Variants in RSRC1 observed in about 807,000 individuals in gnomAD.
RSRC1 encodes arginine and serine rich coiled-coil 1, also known as serine/Arginine-related protein 53.
In RSRC1, 39 loss-of-function variants were observed where a neutral mutation model predicts 49.1. The observed-to-expected ratio is 0.79, with a 90% CI of 0.61 to 1.04. RSRC1 has a LOEUF of 1.04. RSRC1 is among the 50% of genes least tolerant of loss of function. The pLI is 0.00. For synonymous variants in RSRC1, 143 were observed against 130.8 expected, an observed-to-expected ratio of 1.09 and a Z score of -0.63; for missense variants, 388 against 402.4, an observed-to-expected ratio of 0.96 and a Z score of 0.31.
chr3:158,286,889 C>T (rs1330282737), intron 4 of RSRC1, among the ~76,000 whole-genome samples: 4 of 152,192 alleles, frequency 2.6e-5, no homozygotes, highest in Non-Finnish European at 4.4e-5. Flanking sequence ...TGCAGTGGCA[C>T]GATCTCAGCT....
At chr3:158,529,204 A>G (rs1012043261) in intron 7 of RSRC1, among the ~76,000 whole-genome samples, 3 of 133,768 alleles carry the variant, frequency 2.2e-5, no homozygotes, top group African/African-American at 8.3e-5. Flanking sequence ...GTATATATGT[A>G]TGTGTGTGTG....
chr3:158,401,634 T>A (rs1398147691), intron 6 of RSRC1, among the ~76,000 whole-genome samples: 1 of 152,148 alleles, frequency 6.6e-6, no homozygotes, highest in East Asian at 1.9e-4. Context: ...GTAATTCAAC[T>A]AAGTGTATAG....
intron 3 of RSRC1, among the ~76,000 whole-genome samples, chr3:158,194,360 GAAGA>G (rs1720420668): frequency 6.8e-6 from 1 of 147,466 alleles, no homozygotes; most frequent in African/African-American, 2.5e-5. Flanking sequence ...AGGAAGGAAG[GAAGA>G]AATTTCTTTT....
intron 5 of RSRC1, among the ~76,000 whole-genome samples, chr3:158,306,157 A>C (rs529039146): frequency 5.3e-5 from 8 of 152,058 alleles, no homozygotes; most frequent in African/African-American, 1.9e-4. Flanking sequence ...TATGTCAAAA[A>C]ACTGATGTGT....
chr3:158,420,706 TA>T (rs1229026365), intron 6 of RSRC1, among the ~76,000 whole-genome samples: 13 of 151,952 alleles, frequency 8.6e-5, no homozygotes, highest in African/African-American at 3.1e-4. Context: ...AATAGGTTTT[TA>T]TATCTCTAAA....
intron 7 of RSRC1, among the ~76,000 whole-genome samples, chr3:158,471,959 C>T (rs1455485516): frequency 3.9e-5 from 6 of 151,962 alleles, no homozygotes; most frequent in South Asian, 2.1e-4. Context: ...TTTTGTGAAA[C>T]GACAAAAAAT....
chr3:158,475,655 A>G (rs1409322203), intron 7 of RSRC1, among the ~76,000 whole-genome samples: 2 of 152,174 alleles, frequency 1.3e-5, no homozygotes, highest in African/African-American at 2.4e-5. Context: ...CTGCAACCAT[A>G]TAAGACAATG....
At chr3:158,128,329 T>C (rs1421363816) in intron 3 of RSRC1, among the ~76,000 whole-genome samples, 1 of 152,194 alleles carries the variant, frequency 6.6e-6, no homozygotes, top group Non-Finnish European at 1.5e-5. Flanking sequence ...TCAGTGAGGT[T>C]GTACTTGGCT....
intron 4 of RSRC1, among the ~76,000 whole-genome samples, chr3:158,293,830 T>C (rs1727081277): frequency 6.6e-6 from 1 of 152,128 alleles, no homozygotes; most frequent in African/African-American, 2.4e-5. Context: ...TGTAACACTT[T>C]ATCTTGAGAG....
intron 4 of RSRC1, among the ~76,000 whole-genome samples, chr3:158,204,414 T>C (rs1721239289): frequency 6.6e-6 from 1 of 152,146 alleles, no homozygotes; most frequent in African/African-American, 2.4e-5. Flanking sequence ...AGTAATCAGT[T>C]ATGTTCCTGT....
At chr3:158,515,314 C>G (rs1740452316) in intron 7 of RSRC1, among the ~76,000 whole-genome samples, 1 of 147,874 alleles carries the variant, frequency 6.8e-6, no homozygotes, top group Admixed American at 6.8e-5. Context: ...AATCTCTCAG[C>G]ATTTGCTTGT....
Position 158,244,551 on chromosome 3 carries a change from A to G in RSRC1, c.494+41306A>G, listed in dbSNP as rs1044742104. 3.9e-5 allele frequency among the ~76,000 whole-genome samples: 6 copies of G among 152,314 alleles called. No individual in the cohort carries two copies. In the South Asian group the frequency reaches 8.3e-4, roughly 21 times the overall value. ...CATGTTGTTGAGCATTTTTGCATCA[A>G]TGTTCATCAAGGATATTGGCCTGAA... On this transcript the variant is annotated intron_variant, in intron 4 of 9. Coordinates refer to ENST00000611884, the MANE Select transcript of RSRC1 (RefSeq NM_001271838.2).
At chr3:158,442,923 A>G (rs77830816) in intron 6 of RSRC1, among the ~76,000 whole-genome samples, 2,879 of 152,240 alleles carry the variant, frequency 0.019, 97 homozygotes, top group African/African-American at 0.066. Context: ...GTATGTCTCC[A>G]TCAAAGCTCT....
chr3:158,190,630 T>G (rs540197176), intron 3 of RSRC1, among the ~76,000 whole-genome samples: 1 of 151,742 alleles, frequency 6.6e-6, no homozygotes, highest in South Asian at 2.1e-4. Context: ...CCTGGAATTT[T>G]TTTTTTTTGC....
At chr3:158,263,436 T>C (rs1303668094) in intron 4 of RSRC1, among the ~76,000 whole-genome samples, 1 of 152,190 alleles carries the variant, frequency 6.6e-6, no homozygotes, top group Non-Finnish European at 1.5e-5. Flanking sequence ...TAATATTATG[T>C]TTAGAATTTT....
chr3:158,285,118 C>A (rs1384610448), intron 4 of RSRC1, among the ~76,000 whole-genome samples: 3 of 152,114 alleles, frequency 2.0e-5, no homozygotes, highest in Admixed American at 2.0e-4. Context: ...ATATGGCTAG[C>A]CAGTTTTCCC....
At chr3:158,270,890 ATTTAT>A (rs1033985276) in intron 4 of RSRC1, among the ~76,000 whole-genome samples, 3 of 152,054 alleles carry the variant, frequency 2.0e-5, no homozygotes, top group Non-Finnish European at 2.9e-5. Flanking sequence ...TCTTTTTACA[ATTTAT>A]TTTAAGAATA....
intron 5 of RSRC1, among the ~76,000 whole-genome samples, chr3:158,354,320 A>C (rs573937244): frequency 1.3e-5 from 2 of 152,318 alleles, no homozygotes; most frequent in African/African-American, 4.8e-5. Context: ...GTTATCAACT[A>C]TATTGAATCA....
chr3:158,245,716 A>G (rs376539355), intron 4 of RSRC1, among the ~76,000 whole-genome samples: 2 of 152,272 alleles, frequency 1.3e-5, no homozygotes, highest in South Asian at 4.1e-4. Flanking sequence ...CATTGGGTGC[A>G]TATGTATGTA....
Sources: allele counts gnomAD v4.1 joint callset (sites outside exome capture counted in the v4.1 genomes callset), GRCh38; gene constraint gnomAD v4.1.1; transcripts MANE v1.5; gene names NCBI Gene and HGNC (gene_info 2026-07-23, HGNC 2026-07-21).